Variants in SH3TC1 observed in about 807,000 individuals in gnomAD.
The protein encoded by SH3TC1 is SH3 domain and tetratricopeptide repeats 1.
SH3TC1 carries 135 observed loss-of-function variants against 117.3 expected under a neutral mutation model. The observed-to-expected ratio is 1.15, with a 90% CI of 1.00 to 1.33. The LOEUF (loss-of-function observed/expected upper bound fraction) is 1.33. Among genes scored for constraint, SH3TC1 ranks in the 40% most tolerant of loss-of-function variants. The pLI, the probability that SH3TC1 is intolerant of heterozygous loss-of-function variation, is 0.00. For missense variants in SH3TC1, 2,092 were observed against 1,794.3 expected, an observed-to-expected ratio of 1.17 and a Z score of -3.00; for synonymous variants, 898 against 816.9, an observed-to-expected ratio of 1.10 and a Z score of -1.69.
rs577444839 is a variant in SH3TC1 at position 8,237,054 on chromosome 4, G to T, written c.3557-420G>T. 1.9e-3 allele frequency: 357 copies of T among 183,750 alleles called. 1 individual carries two copies. The highest frequency in any genetic ancestry group is 2.9e-3 in the Non-Finnish European group (258 of 89,686). 11.4% of individuals were successfully genotyped at this position (183,750 alleles called of 1,614,324 possible). On this transcript the variant is annotated intron_variant, in intron 16 of 17. Transcript: ENST00000245105. ...CCTGGGTGGGCTCGCGCATCTGTGG[G>T]GGGACCTGGAGCTCAGGCACGCAGT...
At position 8,227,928 on chromosome 4, in the gene SH3TC1, T is replaced by C; in HGVS notation, c.2234T>C (p.Leu745Pro). The change falls in exon 12 of 18, where the codon CTG becomes CCG. Residue 745 changes from leucine (L) to proline (P), a missense_variant. Transcript: ENST00000245105. ...LRTRGSLAGS[L>P]RSVNLVLQNA... is the part of the protein sequence containing the mutation. ...ACACGGGGCTCGCTGGCCGGCTCGC[T>C]GAGGAGTGTGAACCTGGTGCTCCAG... 1 of 1,612,624 alleles carries C rather than the reference T, an allele frequency of 6.2e-7. No individual in the cohort carries two copies. Among genetic ancestry groups the C allele is most frequent in the Non-Finnish European group, 8.5e-7 (1 of 1,179,948 alleles).
Position 8,216,937 on chromosome 4 carries a change from C to A in SH3TC1, c.629-20C>A. 4 of 1,613,414 alleles carry A rather than the reference C, an allele frequency of 2.5e-6. No individual in the cohort carries two copies. The highest frequency in any genetic ancestry group is 1.7e-5 in the Admixed American group (1 of 60,014). On this transcript the variant is annotated intron_variant, in intron 6 of 17. Transcript: ENST00000245105. ...CGCCCAGTCCGGCCACCCTCAGTGA[C>A]CACCTCCATCCTTTTGAAGGGCCCT...
At chr4:8,233,746 TC>T (rs1413596614) in intron 14 of SH3TC1, among the ~76,000 whole-genome samples, 2 of 50,312 alleles carry the variant, frequency 4.0e-5, no homozygotes, top group Non-Finnish European at 8.6e-5. Context: ...TGTTCATCCA[TC>T]CATCCATCCA....
At chr4:8,216,839 TG>T (rs988134498) in intron 6 of SH3TC1, 117 bp from the exon 7 acceptor site, 51 of 1,035,718 alleles carry the variant, frequency 4.9e-5, no homozygotes, top group Non-Finnish European at 7.1e-5. Flanking sequence ...CTGCAGACAC[TG>T]GGGGGGCCGC....
intron 12 of SH3TC1, among the ~76,000 whole-genome samples, 192 bp downstream of exon 12, chr4:8,228,836 G>A (rs769720330): frequency 1.3e-5 from 2 of 152,218 alleles, no homozygotes; most frequent in African/African-American, 2.4e-5. Flanking sequence ...CTGCCCTACT[G>A]GGGGAGCCAG....
intron 14 of SH3TC1, among the ~76,000 whole-genome samples, chr4:8,234,778 A>T (rs937358201): frequency 1.3e-5 from 2 of 152,216 alleles, no homozygotes; most frequent in African/African-American, 4.8e-5. Context: ...AGTGCCCAGC[A>T]CCTGCTGGTA....
At position 8,227,600 on chromosome 4, in the gene SH3TC1, G is replaced by C; in HGVS notation, c.1906G>C (p.Asp636His). 2.6e-6 allele frequency: 4 copies of C among 1,520,512 alleles called. No homozygotes were observed. The South Asian group carries it at 4.0e-5, about 15-fold the overall frequency. The allele number at this position is 1,520,512 out of a possible 1,614,324, so 94.2% of individuals were successfully genotyped here. A position where few individuals can be genotyped will look rare whatever the true frequency, so the allele number is the denominator to read the frequency against. The change falls in exon 12 of 18, where the codon GAC (aspartate) becomes CAC (histidine). Residue 636 changes from aspartate (D) to histidine (H), a missense_variant. Physicochemically the swap from Asp to His is moderately conservative, Grantham distance 81 (BLOSUM62 -1). Transcript: ENST00000245105. ...KAMALLLGTP[D>H]HICSTEAEGE... ...CATGGCCCTGCTCCTGGGGACGCCT[G>C]ACCACATCTGCAGCACCGAGGCGGA...
At chr4:8,207,179 A>G (rs1016367668) in intron 2 of SH3TC1, among the ~76,000 whole-genome samples, 1 of 151,732 alleles carries the variant, frequency 6.6e-6, no homozygotes, top group Non-Finnish European at 1.5e-5. Flanking sequence ...GTTTTGAAGG[A>G]TACAGTTTGG....
upstream of SH3TC1, among the ~76,000 whole-genome samples, chr4:8,196,597 C>T (rs1224238134): frequency 6.6e-6 from 1 of 152,172 alleles, no homozygotes; most frequent in Non-Finnish European, 1.5e-5. This position sits in a 1 kb window ranked among gnomAD's most constrained non-coding sequence, Gnocchi z 4.6. Context: ...TGGGCTTCAG[C>T]AGTGGGACCT....
In SH3TC1 at chr4:8,210,647, C is replaced by A. The variant is rs577662430; in HGVS notation, c.247+825C>A. Among the ~76,000 whole-genome samples, 776 of 150,408 alleles carry A rather than the reference C, an allele frequency of 5.2e-3. 8 individuals carry two copies. Among genetic ancestry groups the A allele is most frequent in the Non-Finnish European group, 5.2e-3 (356 of 67,840 alleles). ...ATTAGCTGGCGCATGCCTGTAATCC[C>A]AGCTATTTGGGAGGCTGAGGCAGAA... On this transcript the variant is annotated intron_variant, in intron 3 of 17. Coordinates refer to ENST00000245105, the MANE Select transcript of SH3TC1 (RefSeq NM_018986.5). The surrounding 1 kb of genome is among the most constrained non-coding windows in gnomAD (Gnocchi z 4.1).
intron 6 of SH3TC1, 89 bp downstream of exon 6, chr4:8,216,346 G>A: frequency 1.3e-6 from 2 of 1,521,498 alleles, no homozygotes; most frequent in Non-Finnish European, 8.8e-7. Context: ...GCTGTGCTGA[G>A]CATGTCTGGG....
chr4:8,196,585 TC>T (rs1359594537), upstream of SH3TC1, among the ~76,000 whole-genome samples: 1 of 152,172 alleles, frequency 6.6e-6, no homozygotes, highest in Non-Finnish European at 1.5e-5. The surrounding 1 kb of genome is among the most constrained non-coding windows in gnomAD (Gnocchi z 4.6). Context: ...CCCAAAGTGC[TC>T]TGGGCTTCAG....
intron 17 of SH3TC1, among the ~76,000 whole-genome samples, chr4:8,239,537 GACATGCACACAC>G (rs1722147424): frequency 6.8e-6 from 1 of 146,738 alleles, no homozygotes; most frequent in Non-Finnish European, 1.5e-5. Context: ...CACACACACA[GACATGCACACAC>G]ACAGGCACAT....
rs988429618 is a variant in SH3TC1 at position 8,237,662 on chromosome 4, G to A, written c.3745G>A (p.Asp1249Asn). 36 of 1,599,754 alleles carry A rather than the reference G, an allele frequency of 2.3e-5. No individual in the cohort carries two copies. In the Admixed American group the frequency reaches 3.6e-4, roughly 16 times the overall value. ...YLVLGDIIFY[D>N]LKDPFDAAGY... ...GGTGCTCGGTGACATCATCTTCTAC[G>A]ACCTGAAGGTGGGTGGGGAGGGGCT... Residue 1249 changes from aspartate (D) to asparagine (N), a missense_variant, in exon 17 of 18, where the codon GAC (aspartate) becomes AAC (asparagine). Asp to Asn is a conservative substitution (Grantham distance 23). Coordinates refer to ENST00000245105, the MANE Select transcript of SH3TC1 (RefSeq NM_018986.5).
intron 1 of SH3TC1, among the ~76,000 whole-genome samples, chr4:8,189,420 C>T (rs972139805): frequency 6.6e-6 from 1 of 152,186 alleles, no homozygotes; most frequent in Non-Finnish European, 1.5e-5. Flanking sequence ...CGGGGTAGGC[C>T]TCTTTGAGGA....
At chr4:8,202,009 G>T (rs1294411376) in intron 1 of SH3TC1, among the ~76,000 whole-genome samples, 3 of 152,208 alleles carry the variant, frequency 2.0e-5, no homozygotes, top group Non-Finnish European at 4.4e-5. Flanking sequence ...CGGAGCGAAA[G>T]ACCCCTTAAA....
At chr4:8,195,776 G>A (rs942559368), upstream of SH3TC1, among the ~76,000 whole-genome samples, 2 of 152,136 alleles carry the variant, frequency 1.3e-5, no homozygotes, top group Non-Finnish European at 2.9e-5. Context: ...TGAGCAGGCT[G>A]GAGAACTGGG....
intron 15 of SH3TC1, chr4:8,235,943 C>T (rs1721771434): frequency 5.3e-6 from 2 of 379,514 alleles, no homozygotes; most frequent in Non-Finnish European, 9.5e-6. Flanking sequence ...CGGCTTCCCC[C>T]TTCCTCTGAG....
Position 8,216,251 on chromosome 4 carries a change from CAAG to C in SH3TC1, c.626_628del (p.Glu209del), listed in dbSNP as rs766341280. 1.9e-6 allele frequency: 3 copies of C among 1,613,212 alleles called. No homozygotes were observed. The highest frequency in any genetic ancestry group is 2.2e-5 in the South Asian group (2 of 90,996). On this transcript the variant is annotated inframe_deletion, in exon 6 of 18. Coordinates refer to ENST00000245105, the MANE Select transcript of SH3TC1 (RefSeq NM_018986.5). ...GCTGACCCACGAGAGCCTCCTCATC[CAAG>C]AAGGTGAGCGTTGCATGGGGTGATG... is the stretch of plus-strand genomic sequence containing the variant.
Sources: gnomAD v4.1 joint callset for allele counts (sites outside exome capture counted in the v4.1 genomes callset) on GRCh38, gnomAD v4.1.1 for gene constraint, Gnocchi (gnomAD v3.1) non-coding constraint, MANE v1.5 for transcripts, NCBI Gene and HGNC (gene_info 2026-07-23, HGNC 2026-07-21) for gene names.